GALNT2: variants seen among roughly 807,000 people sequenced by gnomAD.
GALNT2 encodes the protein polypeptide N-acetylgalactosaminyltransferase 2, also known as UDP-GalNAc:polypeptide N-acetylgalactosaminyltransferase 2.
In GALNT2, 31 loss-of-function variants were observed where a neutral mutation model predicts 81.4. The observed-to-expected ratio is 0.38, with a 90% CI of 0.29 to 0.51. The LOEUF (loss-of-function observed/expected upper bound fraction) is 0.51, where lower values mean the gene tolerates loss of function less well. Among genes scored for constraint, GALNT2 ranks in the 20% least tolerant of loss-of-function variants. The probability of loss-of-function intolerance (pLI) is 0.87; values close to 1 mark genes in which losing one functional copy is unlikely to be tolerated. For missense variants in GALNT2, 629 were observed against 765.7 expected (o/e 0.82, Z 2.11); for synonymous variants, 303 against 287.4 (o/e 1.05, Z -0.55).
intron 1 of GALNT2, among the ~76,000 whole-genome samples, chr1:230,077,455 G>T (rs1659598292): frequency 6.6e-6 from 1 of 152,138 alleles, no homozygotes; most frequent in African/African-American, 2.4e-5. Flanking sequence ...CACTAGGAAA[G>T]AAAAAACACT....
chr1:230,258,201 C>T (rs549696), intron 11 of GALNT2, among the ~76,000 whole-genome samples: 1 of 152,020 alleles, frequency 6.6e-6, no homozygotes, highest in Non-Finnish European at 1.5e-5. Context: ...AGGCGTGAGC[C>T]ACCGTGCCCA....
At chr1:230,263,488 T>G in intron 13 of GALNT2, 1 of 156,474 alleles carries the variant, frequency 6.4e-6, no homozygotes, top group Admixed American at 6.3e-5. Flanking sequence ...CGAGGCTCCC[T>G]CCTCCCAGCT....
At chr1:230,090,712 T>C (rs1491003650) in intron 1 of GALNT2, among the ~76,000 whole-genome samples, 1 of 152,268 alleles carries the variant, frequency 6.6e-6, no homozygotes, top group East Asian at 1.9e-4. Context: ...TGTAACACGT[T>C]TGCAGAAATA....
chr1:230,273,490 A>G (rs1455843143), intron 14 of GALNT2, among the ~76,000 whole-genome samples: 2 of 152,300 alleles, frequency 1.3e-5, no homozygotes, highest in South Asian at 2.1e-4. Context: ...CTCGATATTA[A>G]GGGGTGTTCA....
chr1:230,273,427 A>G (rs1255185471), intron 14 of GALNT2, among the ~76,000 whole-genome samples: 1 of 152,162 alleles, frequency 6.6e-6, no homozygotes, highest in Non-Finnish European at 1.5e-5. Context: ...AAGGGGATGG[A>G]AGTGGATAGT....
rs147632335 is a variant in GALNT2, at chr1:230,268,815, C to T, written c.1440+3448C>T. ...CTTCAGGGCTGTGGCCCTCACCCCC[C>T]GGTCCTGCCCAGTAGAGAGTCTCCA... is the stretch of plus-strand genomic sequence containing the variant. On this transcript the variant is annotated intron_variant, in intron 14 of 15. Transcript: ENST00000366672. Among the ~76,000 whole-genome samples, 177 of 152,328 alleles carry T rather than the reference C, an allele frequency of 1.2e-3. 3 individuals are homozygous for T. In the East Asian group the frequency reaches 0.03, roughly 26 times the overall value.
chr1:230,122,630 G>A (rs1661053139), intron 1 of GALNT2, among the ~76,000 whole-genome samples: 2 of 152,018 alleles, frequency 1.3e-5, no homozygotes, highest in African/African-American at 4.8e-5. Flanking sequence ...GTGTGTGTGT[G>A]TGCATGTACA....
At position 230,279,442 on chromosome 1, in the gene GALNT2, T is replaced by G. The variant is rs371254497; in HGVS notation, c.1700T>G (p.Leu567Arg). 6.2e-6 allele frequency: 10 copies of G among 1,613,910 alleles called. No homozygotes were observed. Among genetic ancestry groups the G allele is most frequent in the Non-Finnish European group, 8.5e-6 (10 of 1,179,966 alleles). Residue 567 changes from leucine to arginine, a missense_variant, in exon 16 of 16, where the codon CTC becomes CGC. By Grantham distance (102) the Leu-to-Arg change is moderately radical. Around this residue, in one of 3 missense-constraint regions of GALNT2, gnomAD observed 207 missense variants for 225.5 expected, o/e 0.92. Coordinates refer to ENST00000366672, the MANE Select transcript of GALNT2 (RefSeq NM_004481.5). This position sits in a 1 kb window ranked among gnomAD's most constrained non-coding sequence, Gnocchi z 4.6. ...CTTTCGCAGCAGTGGAAGTTCACGC[T>G]CAACCTGCAGCAGTAGGAGGGTCCG... ...PALSQQWKFT[L>R]NLQQ
chr1:230,185,223 C>G (rs1399510197), intron 2 of GALNT2, among the ~76,000 whole-genome samples: 2 of 151,704 alleles, frequency 1.3e-5, no homozygotes, highest in African/African-American at 4.8e-5. Flanking sequence ...TGTTCTATAT[C>G]TGAGTCTGGT....
chr1:230,078,964 G>A (rs923502677), intron 1 of GALNT2, among the ~76,000 whole-genome samples: 1 of 152,152 alleles, frequency 6.6e-6, no homozygotes, highest in African/African-American at 2.4e-5. Context: ...ATGAGCCACT[G>A]CGTCCAGCCA....
chr1:230,121,478 C>T (rs1661013767), intron 1 of GALNT2, among the ~76,000 whole-genome samples: 1 of 152,204 alleles, frequency 6.6e-6, no homozygotes, highest in Admixed American at 6.5e-5. Context: ...TTCCCTCACT[C>T]CCCTCTTCTT....
At chr1:230,114,842 G>T (rs893408854) in intron 1 of GALNT2, among the ~76,000 whole-genome samples, 2 of 151,988 alleles carry the variant, frequency 1.3e-5, no homozygotes, top group Admixed American at 1.3e-4. Flanking sequence ...AGCAGTTTTG[G>T]GTTCACAGCA....
At chr1:230,171,002 T>A (rs1662776024) in intron 1 of GALNT2, among the ~76,000 whole-genome samples, 1 of 152,194 alleles carries the variant, frequency 6.6e-6, no homozygotes, top group African/African-American at 2.4e-5. Flanking sequence ...CAGGACCCTT[T>A]CCCAGTGAGT....
At chr1:230,253,148 G>A (rs1021309381) in intron 10 of GALNT2, among the ~76,000 whole-genome samples, 3 of 152,124 alleles carry the variant, frequency 2.0e-5, no homozygotes, top group African/African-American at 4.8e-5. Flanking sequence ...GCGCCCAGCC[G>A]ACAACTTCTT....
chr1:230,244,623 T>G (rs1558158072), intron 7 of GALNT2, among the ~76,000 whole-genome samples: 1 of 152,176 alleles, frequency 6.6e-6, no homozygotes. Flanking sequence ...TCAGAACTGC[T>G]TCGAACGCCT....
intron 1 of GALNT2, among the ~76,000 whole-genome samples, chr1:230,080,926 G>A (rs1281858013): frequency 6.6e-6 from 1 of 152,212 alleles, no homozygotes; most frequent in Admixed American, 6.5e-5. Context: ...TGAAGGCGGG[G>A]AGGTGTTGAC....
chr1:230,250,392 G>A (rs1322351794), intron 9 of GALNT2, 65 bp from the exon 10 acceptor site: 17 of 1,213,846 alleles, frequency 1.4e-5, no homozygotes, highest in South Asian at 3.8e-5. Context: ...TGGCGCAAGG[G>A]TGCTGGCAAT....
chr1:230,249,220 T>G lies in GALNT2; in HGVS notation c.854T>G (p.Met285Arg). 6.2e-7 allele frequency: 1 copy of G among 1,614,202 alleles called. No homozygotes were observed. The highest frequency in any genetic ancestry group is 8.5e-7 in the Non-Finnish European group (1 of 1,180,042). The change falls in exon 9 of 16, where the codon ATG (methionine) becomes AGG (arginine). Residue 285 changes from methionine (M) to arginine (R), a missense_variant. Met to Arg is a moderately conservative substitution (Grantham distance 91). This residue lies in a region of GALNT2 where 360 missense variants were observed against 492.8 expected (regional missense o/e 0.73). Transcript: ENST00000366672. The stretch of plus-strand genomic sequence containing the variant: ...AACTTGGTATTCAAGTGGGATTACA[T>G]GACGCCTGAGCAGAGAAGGTCCCGG... Reference protein sequence around the residue: ...DWNLVFKWDYMTPEQRRSRQG... With the variant: ...DWNLVFKWDYRTPEQRRSRQG...
chr1:230,217,139 C>T (rs1374581246), intron 3 of GALNT2, among the ~76,000 whole-genome samples: 1 of 150,672 alleles, frequency 6.6e-6, no homozygotes, highest in Admixed American at 6.6e-5. Flanking sequence ...GGGGAGAAAA[C>T]AATAAAATAA....
Sources: gnomAD v4.1 joint callset for allele counts (sites outside exome capture counted in the v4.1 genomes callset) on GRCh38, gnomAD v4.1.1 for gene constraint, gnomAD v4.1.1 regional missense constraint, Gnocchi (gnomAD v3.1) non-coding constraint, MANE v1.5 for transcripts, NCBI Gene and HGNC (gene_info 2026-07-23, HGNC 2026-07-21) for gene names.